TPRX1: variants seen among roughly 807,000 people sequenced by gnomAD.
TPRX1 encodes tetra-peptide repeat homeobox protein 1.
TPRX1 carries 2 observed loss-of-function variants against 8.1 expected under a neutral mutation model. The observed-to-expected ratio is 0.25, with a 90% CI of 0.10 to 0.78. The LOEUF (loss-of-function observed/expected upper bound fraction) is 0.78. Ranked by LOEUF, TPRX1 falls within the 30% of genes least tolerant of loss-of-function variation. The pLI is 0.70. For missense variants in TPRX1, 517 were observed against 586.9 expected (o/e 0.88, Z 1.23); for synonymous variants, 257 against 254.1 (o/e 1.01, Z -0.11).
chr19:47,801,805 G>C, exon 4 of TPRX1: 4 of 1,613,996 alleles, frequency 2.5e-6, no homozygotes, highest in Non-Finnish European at 3.4e-6. Flanking sequence ...TGGGGCCTGA[G>C]TGATTTTCAT....
chr19:47,811,111 C>T (rs1348329089), intron 2 of TPRX1, among the ~76,000 whole-genome samples: 3 of 151,188 alleles, frequency 2.0e-5, no homozygotes, highest in Non-Finnish European at 4.4e-5. Flanking sequence ...TCAAGGGATT[C>T]TCCTTCCTCA....
intron 2 of TPRX1, among the ~76,000 whole-genome samples, chr19:47,815,129 T>TATATATATATATATATGCAA (rs1967823717): frequency 2.9e-5 from 3 of 101,748 alleles, no homozygotes; most frequent in African/African-American, 1.1e-4. Context: ...TATATATATA[T>TATATATATATATATATGCAA]ATATATATAT....
chr19:47,804,886 C>T (rs13344817), intron 2 of TPRX1, among the ~76,000 whole-genome samples: 71,245 of 152,002 alleles, frequency 0.47, 17,154 homozygotes, highest in Middle Eastern at 0.59. Flanking sequence ...GGAGAGGCAC[C>T]GCCAGCCAGC....
At chr19:47,815,163 T>TATATGCAAATATATATATATATATATATA (rs201060804) in intron 2 of TPRX1, among the ~76,000 whole-genome samples, 2 of 86,298 alleles carry the variant, frequency 2.3e-5, no homozygotes, top group African/African-American at 1.1e-4. Flanking sequence ...TATATATATA[T>TATATGCAAATATATATATATATATATATA]TTTTTTTTTT....
exon 4 of TPRX1, chr19:47,801,460 G>A: frequency 3.6e-6 from 1 of 279,322 alleles, no homozygotes. Flanking sequence ...AATCCTAAGT[G>A]TTGGGGAAGA....
At chr19:47,810,231 G>A (rs1444938014) in intron 2 of TPRX1, among the ~76,000 whole-genome samples, 27 of 112,200 alleles carry the variant, frequency 2.4e-4, no homozygotes, top group African/African-American at 4.6e-4. Flanking sequence ...CTCCAGCCCC[G>A]GCGACAGAGT....
intron 2 of TPRX1, among the ~76,000 whole-genome samples, chr19:47,813,512 G>A (rs576758422): frequency 3.3e-5 from 5 of 152,244 alleles, no homozygotes; most frequent in Admixed American, 1.3e-4. Context: ...CCGTGGCGGC[G>A]AGAGTCAAGC....
intron 2 of TPRX1, among the ~76,000 whole-genome samples, chr19:47,816,008 G>A (rs1474896017): frequency 2.6e-5 from 4 of 151,838 alleles, no homozygotes; most frequent in South Asian, 2.1e-4. Flanking sequence ...TTGAGGGCAC[G>A]GTTTTGAGAG....
chr19:47,817,286 C>T (rs1353496442), intron 2 of TPRX1, among the ~76,000 whole-genome samples: 1 of 152,194 alleles, frequency 6.6e-6, no homozygotes, highest in East Asian at 1.9e-4. Context: ...AACAATAACT[C>T]CATGGAAACT....
At position 47,816,909 on chromosome 19, in the gene TPRX1, C is replaced by T. The variant is rs147237785; in HGVS notation, c.151+1559G>A. Among the ~76,000 whole-genome samples, 785 of 152,312 alleles carry T rather than the reference C, an allele frequency of 5.2e-3. 7 individuals are homozygous for T. The highest frequency in any genetic ancestry group is 0.018 in the African/African-American group (732 of 41,572). On this transcript the variant is annotated intron_variant, in intron 2 of 3. Transcript: ENST00000535759. ...GTTTTATACACTGGTGGATTATTTG[C>T]TATTCTCACTTTTGAAATGCCTGTA...
chr19:47,804,015 G>C (rs1287250705), intron 2 of TPRX1, among the ~76,000 whole-genome samples: 2 of 150,790 alleles, frequency 1.3e-5, no homozygotes, highest in African/African-American at 2.4e-5. Context: ...GCCGCCACCT[G>C]CCCAGTCCTC....
exon 4 of TPRX1, chr19:47,802,317 A>C: frequency 1.6e-6 from 2 of 1,230,076 alleles, no homozygotes; most frequent in Non-Finnish European, 1.0e-6. Context: ...TTCGGGCCTG[A>C]GATTGGGCCT....
intron 2 of TPRX1, among the ~76,000 whole-genome samples, chr19:47,805,333 G>T (rs1311886128): frequency 6.6e-6 from 1 of 152,118 alleles, no homozygotes; most frequent in Non-Finnish European, 1.5e-5. Context: ...GTATCAGGAG[G>T]GGGCACAGGT....
exon 4 of TPRX1, chr19:47,802,253 C>T: frequency 3.8e-6 from 6 of 1,590,850 alleles, no homozygotes; most frequent in Non-Finnish European, 5.1e-6. Flanking sequence ...TGGGATTGGG[C>T]CTGGGATCAG....
chr19:47,814,228 G>C (rs1201803023), intron 2 of TPRX1, among the ~76,000 whole-genome samples: 1 of 152,020 alleles, frequency 6.6e-6, no homozygotes, highest in Admixed American at 6.6e-5. Context: ...GCATATTTTC[G>C]TATTTCAGTA....
At chr19:47,813,170 C>G (rs547555961) in intron 2 of TPRX1, among the ~76,000 whole-genome samples, 1 of 144,474 alleles carries the variant, frequency 6.9e-6, no homozygotes, top group Non-Finnish European at 1.5e-5. Flanking sequence ...CCCCCCACCC[C>G]GCCAAAATTA....
intron 2 of TPRX1, among the ~76,000 whole-genome samples, chr19:47,815,147 A>AATATATATATATATATATATATGCAAAT (rs201727601): frequency 4.9e-4 from 17 of 35,014 alleles, no homozygotes; most frequent in Non-Finnish European, 7.9e-4. Context: ...TATATATGCA[A>AATATATATATATATATATATATGCAAAT]ATATATATAT....
intron 2 of TPRX1, among the ~76,000 whole-genome samples, chr19:47,808,449 C>G (rs55970473): frequency 0.24 from 35,800 of 149,034 alleles, 4,584 homozygotes; most frequent in Middle Eastern, 0.32. Flanking sequence ...TTATTGAGAC[C>G]GAGTCTCGAT....
At chr19:47,805,361 G>A (rs1303944620) in intron 2 of TPRX1, among the ~76,000 whole-genome samples, 1 of 152,114 alleles carries the variant, frequency 6.6e-6, no homozygotes, top group African/African-American at 2.4e-5. Flanking sequence ...ACGTGCCCAT[G>A]GACCGCTGCT....
Sources: gnomAD v4.1 joint callset for allele counts (sites outside exome capture counted in the v4.1 genomes callset) on GRCh38, gnomAD v4.1.1 for gene constraint, MANE v1.5 for transcripts, NCBI Gene and HGNC (gene_info 2026-07-23, HGNC 2026-07-21) for gene names.